Variants in SLIT2 observed in about 807,000 individuals in gnomAD.
SLIT2 encodes slit homolog 2 protein.
Under a neutral mutation model 185.7 loss-of-function variants are expected in SLIT2, and 41 were observed. The observed-to-expected ratio is 0.22, with a 90% confidence interval of 0.17 to 0.29. SLIT2 has a LOEUF of 0.29. SLIT2 is among the 10% of genes least tolerant of loss of function. The pLI is 1.00. For missense variants in SLIT2, 1,571 were observed against 1,909.0 expected, an observed-to-expected ratio of 0.82 and a Z score of 3.30; for synonymous variants, 693 against 680.2, an observed-to-expected ratio of 1.02 and a Z score of -0.29.
At chr4:20,278,964 A>G (rs912557053) in intron 4 of SLIT2, among the ~76,000 whole-genome samples, 7 of 152,180 alleles carry the variant, frequency 4.6e-5, no homozygotes, top group African/African-American at 7.2e-5. Context: ...AAGGAAGTCA[A>G]TGCTGTGCTT....
chr4:20,614,380 G>T (rs557092295), intron 34 of SLIT2, among the ~76,000 whole-genome samples: 1 of 152,266 alleles, frequency 6.6e-6, no homozygotes, highest in South Asian at 2.1e-4. Flanking sequence ...TAGAAATAAG[G>T]CTAAAAGCTG....
At chr4:20,563,834 A>G (rs1021411513) in intron 26 of SLIT2, among the ~76,000 whole-genome samples, 4 of 151,546 alleles carry the variant, frequency 2.6e-5, no homozygotes, top group Non-Finnish European at 5.9e-5. Context: ...GTAATTTTGT[A>G]TTTGATCTCA....
chr4:20,311,190 G>C (rs2109134999), intron 4 of SLIT2, among the ~76,000 whole-genome samples: 1 of 152,324 alleles, frequency 6.6e-6, no homozygotes, highest in East Asian at 1.9e-4. Flanking sequence ...TGCCAGGCCT[G>C]AACTCAATAT....
chr4:20,473,908 T>C (rs1426625420), intron 5 of SLIT2, among the ~76,000 whole-genome samples: 1 of 152,060 alleles, frequency 6.6e-6, no homozygotes, highest in Non-Finnish European at 1.5e-5. Flanking sequence ...ATGTCTTCTT[T>C]AATCTGTTAG....
intron 8 of SLIT2, among the ~76,000 whole-genome samples, chr4:20,490,205 G>C (rs1386973291): frequency 6.6e-6 from 1 of 152,134 alleles, no homozygotes; most frequent in Non-Finnish European, 1.5e-5. Flanking sequence ...ACCAACCTAA[G>C]TATTTCACAT....
chr4:20,578,068 A>G (rs1184625094), intron 29 of SLIT2, among the ~76,000 whole-genome samples: 2 of 152,212 alleles, frequency 1.3e-5, no homozygotes, highest in East Asian at 3.9e-4. Flanking sequence ...CAAATCTGCT[A>G]TCAGTTTTTT....
intron 29 of SLIT2, among the ~76,000 whole-genome samples, chr4:20,576,205 A>G (rs1242233142): frequency 6.6e-6 from 1 of 152,220 alleles, no homozygotes; most frequent in African/African-American, 2.4e-5. Context: ...TCATGGCAGA[A>G]GAATTCTTAT....
At chr4:20,334,999 G>C (rs1028166178) in intron 4 of SLIT2, among the ~76,000 whole-genome samples, 13 of 152,274 alleles carry the variant, frequency 8.5e-5, no homozygotes, top group African/African-American at 3.1e-4. Context: ...GTCATCACCA[G>C]TTAAATAAAT....
intron 30 of SLIT2, among the ~76,000 whole-genome samples, chr4:20,594,075 G>A (rs1174626232): frequency 1.4e-5 from 2 of 147,320 alleles, no homozygotes; most frequent in Non-Finnish European, 3.0e-5. Context: ...CCTGAATTCT[G>A]CAGAGCTAAG....
chr4:20,600,413 ATTTTTTTTTTTTT>A (rs1281627568), intron 33 of SLIT2, among the ~76,000 whole-genome samples: 3 of 89,500 alleles, frequency 3.4e-5, no homozygotes, highest in Non-Finnish European at 6.2e-5. Flanking sequence ...ATTATGTTGC[ATTTTTTTTTTTTT>A]TTTTTTTTTT....
rs200316951 is a variant in SLIT2 at position 20,532,231 on chromosome 4, A to C, written c.1688+173A>C. 3.0e-3 allele frequency among the ~76,000 whole-genome samples: 463 copies of C among 152,314 alleles called. 1 individual carries two copies. The highest frequency in any genetic ancestry group is 0.011 in the African/African-American group (438 of 41,568). On this transcript the variant is annotated intron_variant, in intron 17 of 36. Coordinates refer to ENST00000504154, the MANE Select transcript of SLIT2 (RefSeq NM_004787.4). Reference sequence around the variant, plus strand: ...CTGCAAGGGACTTTTCTGTGTGTTCAGCAGTGTCAATCACATTTTCTGTAG... The same window carrying C: ...CTGCAAGGGACTTTTCTGTGTGTTCCGCAGTGTCAATCACATTTTCTGTAG...
chr4:20,386,028 T>C (rs1724911606), intron 4 of SLIT2, among the ~76,000 whole-genome samples: 1 of 152,128 alleles, frequency 6.6e-6, no homozygotes, highest in South Asian at 2.1e-4. Flanking sequence ...AAGTCCAGGA[T>C]GTGAAGAAAA....
chr4:20,300,937 C>T (rs1269987903), intron 4 of SLIT2, among the ~76,000 whole-genome samples: 1 of 151,790 alleles, frequency 6.6e-6, no homozygotes, highest in East Asian at 1.9e-4. Context: ...TGGTATACAT[C>T]GTTTTCTAAT....
At chr4:20,552,302 T>C (rs1229634624) in intron 25 of SLIT2, 2 of 151,580 alleles carry the variant, frequency 1.3e-5, no homozygotes, top group African/African-American at 2.4e-5. Flanking sequence ...ACCAGCCTCC[T>C]CCCGCAACAG....
At chr4:20,603,565 T>G (rs1453567253) in intron 33 of SLIT2, among the ~76,000 whole-genome samples, 3 of 152,224 alleles carry the variant, frequency 2.0e-5, no homozygotes, top group Non-Finnish European at 2.9e-5. Context: ...AATATATGCT[T>G]CTTTTTTTAG....
At chr4:20,493,226 G>A (rs1336192760) in intron 9 of SLIT2, among the ~76,000 whole-genome samples, 1 of 152,150 alleles carries the variant, frequency 6.6e-6, no homozygotes, top group African/African-American at 2.4e-5. Context: ...GGATAATGTT[G>A]AGGCATCGTG....
Position 20,620,351 on chromosome 4 carries a change from A to G in SLIT2, c.*1342A>G. On this transcript the variant is annotated 3_prime_UTR_variant, in exon 37 of 37. Transcript: ENST00000504154. ...CATGTTTGCTGCTAAATTACAATGT[A>G]GAATTGATAATGGTTTATAGTGAAC... The G allele has an allele frequency of 2.3e-6, 1 of 439,878 alleles. No homozygotes were observed. The highest frequency in any genetic ancestry group is 4.5e-6 in the Non-Finnish European group (1 of 222,636). The allele number at this position is 439,878 out of a possible 1,614,324, so 27.2% of individuals were successfully genotyped here. A position where few individuals can be genotyped will look rare whatever the true frequency, so the allele number is the denominator to read the frequency against.
intron 4 of SLIT2, among the ~76,000 whole-genome samples, chr4:20,438,305 A>T (rs1729499659): frequency 6.6e-6 from 1 of 152,226 alleles, no homozygotes; most frequent in Admixed American, 6.5e-5. Context: ...AGAAAGGTTT[A>T]TTGGACTTAC....
At chr4:20,463,452 T>TATATAG (rs1713952977) in intron 4 of SLIT2, among the ~76,000 whole-genome samples, 1 of 19,820 alleles carries the variant, frequency 5.0e-5, no homozygotes, top group African/African-American at 1.8e-4. Flanking sequence ...AACTGTGATA[T>TATATAG]ATATATATAT....
Sources: allele counts gnomAD v4.1 joint callset (sites outside exome capture counted in the v4.1 genomes callset), GRCh38; gene constraint gnomAD v4.1.1; transcripts MANE v1.5; gene names NCBI Gene and HGNC (gene_info 2026-07-23, HGNC 2026-07-21).